The following PCLO variants were observed in gnomAD, a reference collection of about 807,000 sequenced individuals.
The protein encoded by PCLO is protein piccolo.
PCLO carries 82 observed loss-of-function variants against 427.5 expected under a neutral mutation model. The ratio of observed to expected loss-of-function variants is 0.19; its 90% CI spans 0.16 to 0.23. The LOEUF is 0.23. Ranked by LOEUF, PCLO falls within the 10% of genes least tolerant of loss-of-function variation. The probability of loss-of-function intolerance (pLI) is 1.00; values close to 1 mark genes in which losing one functional copy is unlikely to be tolerated. For synonymous variants in PCLO, 2,357 were observed against 2,155.4 expected, an observed-to-expected ratio of 1.09 and a Z score of -2.59; for missense variants, 6,239 against 6,115.9, an observed-to-expected ratio of 1.02 and a Z score of -0.67.
intron 3 of PCLO, among the ~76,000 whole-genome samples, chr7:83,001,150 C>A (rs746519804): frequency 6.6e-6 from 1 of 151,956 alleles, no homozygotes; most frequent in Non-Finnish European, 1.5e-5. Context: ...GACAAACTTA[C>A]TGCAGACACA....
In PCLO at chr7:82,950,763, C is replaced by A. The variant is rs895295827; in HGVS notation, c.9825G>T (p.Arg3275=). Residue 3275 remains arginine (R), a synonymous_variant, in exon 6 of 25, where the codon CGG becomes CGT. Transcript: ENST00000333891. ...CCTGCCTCATCATGAACTGGGCTTG[C>A]CGCTCTTCTTCTTGCTGAAAGAGAA... ...QHLLFQQEEE[R]QAQFMMRQET... is the part of the protein sequence containing the mutation. The A allele has an allele frequency of 6.2e-7, 1 of 1,613,750 alleles. No individual in the cohort carries two copies. Among genetic ancestry groups the A allele is most frequent in the South Asian group, 1.1e-5 (1 of 91,074 alleles).
At chr7:83,121,821 A>G (rs968514658) in intron 3 of PCLO, among the ~76,000 whole-genome samples, 3 of 151,152 alleles carry the variant, frequency 2.0e-5, no homozygotes, top group Non-Finnish European at 4.4e-5. Flanking sequence ...GTGAGAGGCT[A>G]TAGCCCTGAC....
chr7:83,037,989 T>TTTTATATA (rs1437975363), intron 3 of PCLO, among the ~76,000 whole-genome samples: 4 of 13,586 alleles, frequency 2.9e-4, no homozygotes, highest in African/African-American at 1.1e-3. Context: ...AAGGAGGAGC[T>TTTTATATA]TATATATATA....
At chr7:83,072,983 T>A (rs1191815158) in intron 3 of PCLO, among the ~76,000 whole-genome samples, 1 of 152,002 alleles carries the variant, frequency 6.6e-6, no homozygotes, top group African/African-American at 2.4e-5. Flanking sequence ...TGTCTCCCTC[T>A]CCCTTCCCTC....
chr7:82,943,609 A>G (rs1306492251), intron 6 of PCLO, among the ~76,000 whole-genome samples: 1 of 152,160 alleles, frequency 6.6e-6, no homozygotes, highest in Non-Finnish European at 1.5e-5. Flanking sequence ...GACTCTGTAG[A>G]GAGCATGCTA....
chr7:82,824,255 G>T lies in PCLO; in HGVS notation c.14577C>A (p.Ile4859=). 6.2e-7 allele frequency: 1 copy of T among 1,612,464 alleles called. No individual in the cohort carries two copies. Among genetic ancestry groups the T allele is most frequent in the Non-Finnish European group, 8.5e-7 (1 of 1,179,116 alleles). The change falls in exon 19 of 25, where the codon ATC becomes ATA. Residue 4859 remains isoleucine (I), a synonymous_variant. Transcript: ENST00000333891. ...TCCTACCCTTTGATGGGTCAGGGAA[G>T]ATACCATGGCTTCTGCTTTTGATAA... ...PSVIKSRSHG[I]FPDPSKDMQV...
At chr7:82,829,567 C>T (rs1230695187) in intron 16 of PCLO, among the ~76,000 whole-genome samples, 1 of 152,062 alleles carries the variant, frequency 6.6e-6, no homozygotes, top group Non-Finnish European at 1.5e-5. Flanking sequence ...AGCTGTCACT[C>T]AAGATAAATT....
At chr7:83,125,099 C>A (rs1024233544) in intron 3 of PCLO, among the ~76,000 whole-genome samples, 5 of 137,282 alleles carry the variant, frequency 3.6e-5, no homozygotes, top group Non-Finnish European at 6.9e-5. Context: ...GATCTCGGCT[C>A]GCTACAACCT....
chr7:82,945,163 G>C (rs556604889), intron 6 of PCLO, among the ~76,000 whole-genome samples: 2 of 152,186 alleles, frequency 1.3e-5, no homozygotes, highest in East Asian at 3.9e-4. Context: ...AAGGAAACAG[G>C]CGGTAATGTT....
At position 82,758,352 on chromosome 7, in the gene PCLO, C is replaced by T; in HGVS notation, c.*223G>A. The T allele has an allele frequency of 2.5e-6, 1 of 403,018 alleles. No homozygotes were observed. The highest frequency in any genetic ancestry group is 4.4e-6 in the Non-Finnish European group (1 of 226,842). The allele number at this position is 403,018 out of a possible 1,614,324, so 25.0% of individuals were successfully genotyped here. A position where few individuals can be genotyped will look rare whatever the true frequency, so the allele number is the denominator to read the frequency against. Reference sequence around the variant, plus strand: ...TTCACAGCCATGGGAAATTCAAGGTCTCAGAACTCCATTCTTCTTGTTTTC... The same window carrying T: ...TTCACAGCCATGGGAAATTCAAGGTTTCAGAACTCCATTCTTCTTGTTTTC... On this transcript the variant is annotated 3_prime_UTR_variant, in exon 25 of 25. Coordinates refer to ENST00000333891, the MANE Select transcript of PCLO (RefSeq NM_033026.6).
At chr7:83,072,505 T>C (rs1170766636) in intron 3 of PCLO, among the ~76,000 whole-genome samples, 1 of 152,058 alleles carries the variant, frequency 6.6e-6, no homozygotes, top group Non-Finnish European at 1.5e-5. Context: ...CATTCCTATG[T>C]CTTCAATTGT....
chr7:82,983,325 C>T (rs984425453), intron 3 of PCLO, among the ~76,000 whole-genome samples: 2 of 151,012 alleles, frequency 1.3e-5, no homozygotes, highest in Admixed American at 6.6e-5. Flanking sequence ...GAAAAACTAT[C>T]TTTCTATGAC....
chr7:82,910,632 AG>A (rs1794299908), intron 7 of PCLO, among the ~76,000 whole-genome samples: 1 of 152,156 alleles, frequency 6.6e-6, no homozygotes, highest in African/African-American at 2.4e-5. Context: ...GCATGAATGA[AG>A]CATAGAATAA....
At chr7:83,070,547 C>T (rs1279950272) in intron 3 of PCLO, among the ~76,000 whole-genome samples, 3 of 151,960 alleles carry the variant, frequency 2.0e-5, no homozygotes, top group Non-Finnish European at 2.9e-5. Flanking sequence ...CCACCGTGTC[C>T]GGCTAATTTT....
intron 9 of PCLO, among the ~76,000 whole-genome samples, chr7:82,888,208 C>A (rs1056893132): frequency 6.6e-6 from 1 of 152,096 alleles, no homozygotes; most frequent in Non-Finnish European, 1.5e-5. Flanking sequence ...TTTTGTTCCA[C>A]GGATATTCCA....
intron 21 of PCLO, among the ~76,000 whole-genome samples, chr7:82,805,229 T>C (rs1360599981): frequency 6.6e-6 from 1 of 152,210 alleles, no homozygotes; most frequent in African/African-American, 2.4e-5. Flanking sequence ...GAAGGATTTA[T>C]AGTTGAAAAG....
intron 20 of PCLO, among the ~76,000 whole-genome samples, chr7:82,806,536 A>G (rs569459646): frequency 1.3e-5 from 2 of 152,318 alleles, no homozygotes; most frequent in South Asian, 4.1e-4. Context: ...GGGGTATAGT[A>G]CTAATATTGT....
intron 6 of PCLO, among the ~76,000 whole-genome samples, chr7:82,941,257 A>T (rs539279503): frequency 6.6e-6 from 1 of 152,230 alleles, no homozygotes; most frequent in South Asian, 2.1e-4. Flanking sequence ...ATTTTAAAAC[A>T]TACAATTATG....
At chr7:82,945,321 C>A (rs549507731) in intron 6 of PCLO, among the ~76,000 whole-genome samples, 1 of 152,094 alleles carries the variant, frequency 6.6e-6, no homozygotes, top group African/African-American at 2.4e-5. Context: ...AATAAAATAT[C>A]ATTCCATATT....
Sources: allele counts gnomAD v4.1 joint callset (sites outside exome capture counted in the v4.1 genomes callset), GRCh38; gene constraint gnomAD v4.1.1; transcripts MANE v1.5; gene names NCBI Gene and HGNC (gene_info 2026-07-23, HGNC 2026-07-21).